KIRREL3: variants seen among roughly 807,000 people sequenced by gnomAD.
The protein encoded by KIRREL3 is kin of IRRE-like protein 3.
Under a neutral mutation model 89.7 loss-of-function variants are expected in KIRREL3, and 36 were observed. The ratio of observed to expected loss-of-function variants is 0.40; its 90% CI spans 0.31 to 0.53. The LOEUF (loss-of-function observed/expected upper bound fraction) is 0.53, where lower values mean the gene tolerates loss of function less well. Ranked by LOEUF, KIRREL3 falls within the 20% of genes least tolerant of loss-of-function variation. The pLI is 0.49. For missense variants in KIRREL3, 864 were observed against 1,056.6 expected, an observed-to-expected ratio of 0.82 and a Z score of 2.53; for synonymous variants, 445 against 441.4, an observed-to-expected ratio of 1.01 and a Z score of -0.10.
In KIRREL3 at chr11:126,994,878, C is replaced by G. The variant is rs1205168334; in HGVS notation, c.55+5577G>C. On this transcript the variant is annotated intron_variant, in intron 1 of 16. Transcript: ENST00000525144. This position sits in a 1 kb window ranked among gnomAD's most constrained non-coding sequence, Gnocchi z 5.2. Reference sequence around the variant, plus strand: ...GCAGGACATAGCATCCCTTCCCCAACCATGAGAGAAGTATTCTGATGATCT... The same window carrying G: ...GCAGGACATAGCATCCCTTCCCCAAGCATGAGAGAAGTATTCTGATGATCT... 1.3e-5 allele frequency among the ~76,000 whole-genome samples: 2 copies of G among 152,172 alleles called. No individual in the cohort carries two copies. The highest frequency in any genetic ancestry group is 4.8e-5 in the African/African-American group (2 of 41,456).
At position 126,681,609 on chromosome 11, in the gene KIRREL3, G is replaced by GACACAC. The variant is rs56325662; in HGVS notation, c.56-118703_56-118698dup. 6.3e-4 allele frequency among the ~76,000 whole-genome samples: 94 copies of GACACAC among 150,380 alleles called. 1 individual carries two copies. Among genetic ancestry groups the GACACAC allele is most frequent in the Middle Eastern group, 3.4e-3 (1 of 294 alleles). ...GTGTGCTCCTGGGAATGTATATACA[G>GACACAC]ACACACACACACACACACCAGATCA... On this transcript the variant is annotated intron_variant, in intron 1 of 16. Transcript: ENST00000525144.
At position 126,656,783 on chromosome 11, in the gene KIRREL3, G is replaced by A. The variant is rs1945157628; in HGVS notation, c.56-93871C>T. ...ATAAATGAAACTGGCTAGGCGTGGT[G>A]GCTCATGCCTGTGGTCCCAGCACTT... On this transcript the variant is annotated intron_variant, in intron 1 of 16. Coordinates refer to ENST00000525144, the MANE Select transcript of KIRREL3 (RefSeq NM_032531.4). The surrounding 1 kb of genome is among the most constrained non-coding windows in gnomAD (Gnocchi z 4.0). Among the ~76,000 whole-genome samples, 1 of 152,194 alleles carries A rather than the reference G, an allele frequency of 6.6e-6. No homozygotes were observed. Among genetic ancestry groups the A allele is most frequent in the Non-Finnish European group, 1.5e-5 (1 of 68,036 alleles).
intron 1 of KIRREL3, among the ~76,000 whole-genome samples, chr11:126,758,765 G>T (rs1173763410): frequency 6.6e-6 from 1 of 152,108 alleles, no homozygotes; most frequent in Non-Finnish European, 1.5e-5. Context: ...AATAACTATC[G>T]CATTTGCATA....
Position 126,983,894 on chromosome 11 carries a change from C to T in KIRREL3, c.55+16561G>A, listed in dbSNP as rs908827109. On this transcript the variant is annotated intron_variant, in intron 1 of 16. Coordinates refer to ENST00000525144, the MANE Select transcript of KIRREL3 (RefSeq NM_032531.4). The surrounding 1 kb of genome is among the most constrained non-coding windows in gnomAD (Gnocchi z 4.9). ...ATTCCTCCTCTGAACCAGAGAACCC[C>T]GAGAATAATATGATTAACTATTTTT... 6.6e-6 allele frequency among the ~76,000 whole-genome samples: 1 copy of T among 151,904 alleles called. No individual in the cohort carries two copies. The highest frequency in any genetic ancestry group is 2.4e-5 in the African/African-American group (1 of 41,346).
At position 126,646,382 on chromosome 11, in the gene KIRREL3, A is replaced by G. The variant is rs571814022; in HGVS notation, c.56-83470T>C. ...AGTTGACCTCTTGAAACAAAATTTA[A>G]CCATGCCTTGGAAAATCCAATTGAT... is the stretch of plus-strand genomic sequence containing the variant. On this transcript the variant is annotated intron_variant, in intron 1 of 16. Transcript: ENST00000525144. Among the ~76,000 whole-genome samples the G allele has an allele frequency of 1.1e-4, 17 of 152,228 alleles. No individual in the cohort carries two copies. The South Asian group carries it at 2.9e-3, about 26-fold the overall frequency.
At chr11:126,942,597 AG>A (rs1948488004) in intron 1 of KIRREL3, among the ~76,000 whole-genome samples, 1 of 152,206 alleles carries the variant, frequency 6.6e-6, no homozygotes, top group African/African-American at 2.4e-5. Flanking sequence ...ACAGCCAGAC[AG>A]GAAAGCAACT....
chr11:126,822,324 A>G (rs771472516), intron 1 of KIRREL3, among the ~76,000 whole-genome samples: 2 of 152,208 alleles, frequency 1.3e-5, no homozygotes, highest in African/African-American at 2.4e-5. Context: ...TATGTTCTCA[A>G]ACATAACTAT....
intron 1 of KIRREL3, among the ~76,000 whole-genome samples, chr11:126,589,735 C>T (rs926558815): frequency 3.3e-5 from 5 of 152,200 alleles, no homozygotes; most frequent in African/African-American, 1.2e-4. Flanking sequence ...CCCCTTACCT[C>T]TCAGCCTCAG....
chr11:126,855,279 T>C (rs1012015639), intron 1 of KIRREL3, among the ~76,000 whole-genome samples: 1 of 152,210 alleles, frequency 6.6e-6, no homozygotes, highest in Non-Finnish European at 1.5e-5. Flanking sequence ...GTTCTTGCGA[T>C]AGTAAGTGAG....
In KIRREL3 at chr11:126,583,092, C is replaced by T. The variant is rs532335218; in HGVS notation, c.56-20180G>A. 9.9e-5 allele frequency among the ~76,000 whole-genome samples: 15 copies of T among 152,272 alleles called. No individual in the cohort carries two copies. The East Asian group carries it at 1.2e-3, about 12-fold the overall frequency. ...CCACCATCATGGAAACATGTGGTTC[C>T]GGATGTGGACAGCTGGCTCCCCGGG... On this transcript the variant is annotated intron_variant, in intron 1 of 16. Coordinates refer to ENST00000525144, the MANE Select transcript of KIRREL3 (RefSeq NM_032531.4).
chr11:126,566,491 T>A lies in KIRREL3; in HGVS notation c.56-3579A>T, dbSNP rs781504175. Among the ~76,000 whole-genome samples the A allele has an allele frequency of 9.0e-4, 137 of 152,196 alleles. 1 individual carries two copies. The highest frequency in any genetic ancestry group is 1.8e-3 in the Non-Finnish European group (121 of 68,040). On this transcript the variant is annotated intron_variant, in intron 1 of 16. Coordinates refer to ENST00000525144, the MANE Select transcript of KIRREL3 (RefSeq NM_032531.4). This position sits in a 1 kb window ranked among gnomAD's most constrained non-coding sequence, Gnocchi z 4.9. ...AAGGGCTGGCTACAAAATATGGGAC[T>A]GTGAAGGGTTCCTTCTGACTCGGGT...
In KIRREL3 at chr11:126,747,453, A is replaced by T. The variant is rs1949190562; in HGVS notation, c.56-184541T>A. ...CCATTTACCATTCTCTGATTAAGTC[A>T]TGCAACCTCATCGCCACTACCTGGG... On this transcript the variant is annotated intron_variant, in intron 1 of 16. Transcript: ENST00000525144. This position sits in a 1 kb window ranked among gnomAD's most constrained non-coding sequence, Gnocchi z 4.7. Among the ~76,000 whole-genome samples, 1 of 152,112 alleles carries T rather than the reference A, an allele frequency of 6.6e-6. No individual in the cohort carries two copies. Among genetic ancestry groups the T allele is most frequent in the Non-Finnish European group, 1.5e-5 (1 of 68,028 alleles).
chr11:126,646,767 G>A lies in KIRREL3; in HGVS notation c.56-83855C>T, dbSNP rs188832168. ...TGGGATTACAGGAGTGAGCCACTGCGCCCGGCCACCCCAAGTATTTTTAAT... is the reference window on the plus strand; with the variant it reads ...TGGGATTACAGGAGTGAGCCACTGCACCCGGCCACCCCAAGTATTTTTAAT... On this transcript the variant is annotated intron_variant, in intron 1 of 16. Coordinates refer to ENST00000525144, the MANE Select transcript of KIRREL3 (RefSeq NM_032531.4). 3.4e-4 allele frequency among the ~76,000 whole-genome samples: 51 copies of A among 152,196 alleles called. 1 individual carries two copies. The East Asian group carries it at 9.5e-3, about 28-fold the overall frequency.
At chr11:126,765,919 TC>T (rs1949810074) in intron 1 of KIRREL3, among the ~76,000 whole-genome samples, 1 of 151,720 alleles carries the variant, frequency 6.6e-6, no homozygotes, top group Non-Finnish European at 1.5e-5. Context: ...GCCCCTCCCT[TC>T]CCCCCATAAT....
intron 1 of KIRREL3, among the ~76,000 whole-genome samples, chr11:126,956,139 T>A (rs147893227): frequency 5.3e-5 from 8 of 152,254 alleles, no homozygotes; most frequent in Admixed American, 5.2e-4. Context: ...CAGTCACTCA[T>A]CTCTCTTGTT....
intron 1 of KIRREL3, among the ~76,000 whole-genome samples, chr11:126,894,610 T>C: frequency 7.3e-6 from 1 of 136,962 alleles, no homozygotes; most frequent in South Asian, 2.4e-4. Context: ...AGAAGCTAGG[T>C]ATGGTGTCAC....
At chr11:126,848,858 A>G (rs1455601215) in intron 1 of KIRREL3, among the ~76,000 whole-genome samples, 3 of 152,222 alleles carry the variant, frequency 2.0e-5, no homozygotes, top group African/African-American at 7.2e-5. Flanking sequence ...AGACCTTCAT[A>G]GTTTGGCAAA....
intron 1 of KIRREL3, among the ~76,000 whole-genome samples, chr11:126,902,224 C>T (rs1319986698): frequency 6.6e-6 from 1 of 152,156 alleles, no homozygotes; most frequent in Non-Finnish European, 1.5e-5. Flanking sequence ...GTCATTGATG[C>T]TGGCAAGGAA....
intron 1 of KIRREL3, among the ~76,000 whole-genome samples, chr11:126,604,362 C>A (rs1265302696): frequency 1.3e-5 from 2 of 152,196 alleles, no homozygotes; most frequent in Non-Finnish European, 2.9e-5. Context: ...GGCTGCATTG[C>A]ATTTTTGTCT....
Sources: allele counts gnomAD v4.1 joint callset (sites outside exome capture counted in the v4.1 genomes callset), GRCh38; gene constraint gnomAD v4.1.1; non-coding constraint Gnocchi (gnomAD v3.1); transcripts MANE v1.5; gene names NCBI Gene and HGNC (gene_info 2026-07-23, HGNC 2026-07-21).